Variants in CDH11 observed in about 807,000 individuals in gnomAD.
CDH11 encodes cadherin-11.
In CDH11, 11 loss-of-function variants were observed where a neutral mutation model predicts 67.8. The ratio of observed to expected loss-of-function variants is 0.16; its 90% CI spans 0.10 to 0.27. The LOEUF (loss-of-function observed/expected upper bound fraction) is 0.27, where lower values mean the gene tolerates loss of function less well. Among genes scored for constraint, CDH11 ranks in the 10% least tolerant of loss-of-function variants. The pLI, the probability that CDH11 is intolerant of heterozygous loss-of-function variation, is 1.00. For missense variants in CDH11, 847 were observed against 1,031.2 expected, an observed-to-expected ratio of 0.82 and a Z score of 2.45; for synonymous variants, 419 against 400.0, an observed-to-expected ratio of 1.05 and a Z score of -0.57.
chr16:65,014,527 G>T (rs991378693), intron 2 of CDH11, among the ~76,000 whole-genome samples: 1 of 152,242 alleles, frequency 6.6e-6, no homozygotes, highest in South Asian at 2.1e-4. Context: ...TACTGGCCAC[G>T]TGGGGCTAGT....
rs2074066255 is a variant in CDH11, at chr16:65,052,129, C to T, written c.-173+1675G>A. Among the ~76,000 whole-genome samples, 9 of 152,226 alleles carry T rather than the reference C, an allele frequency of 5.9e-5. No homozygotes were observed. In the South Asian group the frequency reaches 1.9e-3, roughly 32 times the overall value. ...TTCTCTGTTAGTCACCTTAGTCCAC[C>T]TTCCTCACATTTAATTAAAAATATA... On this transcript the variant is annotated intron_variant, in intron 2 of 12. Coordinates refer to ENST00000268603, the MANE Select transcript of CDH11 (RefSeq NM_001797.4).
intron 2 of CDH11, among the ~76,000 whole-genome samples, chr16:65,053,596 A>G (rs1198864314): frequency 1.3e-5 from 2 of 152,200 alleles, no homozygotes; most frequent in African/African-American, 4.8e-5. Flanking sequence ...ATAGGTGTTC[A>G]ATAAAGAGAA....
intron 1 of CDH11, among the ~76,000 whole-genome samples, chr16:65,072,820 T>C (rs2074441070): frequency 6.6e-6 from 1 of 152,218 alleles, no homozygotes; most frequent in African/African-American, 2.4e-5. Flanking sequence ...ACTAGCTGGA[T>C]AGCCTTAAAC....
At chr16:65,112,922 T>C (rs1261890306) in intron 1 of CDH11, among the ~76,000 whole-genome samples, 1 of 152,158 alleles carries the variant, frequency 6.6e-6, no homozygotes, top group Non-Finnish European at 1.5e-5. Context: ...CAGCTTTACA[T>C]AAACAAATGA....
intron 2 of CDH11, among the ~76,000 whole-genome samples, chr16:65,043,558 C>A (rs1463725409): frequency 6.6e-6 from 1 of 152,144 alleles, no homozygotes; most frequent in East Asian, 1.9e-4. Context: ...ATGTGAGCTG[C>A]CCTGGAAAAG....
chr16:65,112,333 C>G (rs370776680), intron 1 of CDH11, among the ~76,000 whole-genome samples: 2 of 152,252 alleles, frequency 1.3e-5, no homozygotes. Flanking sequence ...GTTTGTTGGT[C>G]TAGGTGGCCT....
chr16:65,088,322 A>C (rs1374531454), intron 1 of CDH11, among the ~76,000 whole-genome samples: 4 of 152,208 alleles, frequency 2.6e-5, no homozygotes. Flanking sequence ...ATAGCAGTCC[A>C]AAGGAAATAA....
chr16:65,002,007 C>T (rs1281717046), intron 3 of CDH11, among the ~76,000 whole-genome samples: 1 of 152,170 alleles, frequency 6.6e-6, no homozygotes, highest in Non-Finnish European at 1.5e-5. Context: ...CTTAAGCACT[C>T]AACCTTGAAT....
chr16:64,960,781 A>G (rs2071651378), intron 11 of CDH11, among the ~76,000 whole-genome samples: 1 of 152,146 alleles, frequency 6.6e-6, no homozygotes, highest in Admixed American at 6.5e-5. Flanking sequence ...TCACTAAGCT[A>G]TGGAGTTTCA....
intron 2 of CDH11, among the ~76,000 whole-genome samples, chr16:65,013,540 A>C (rs554573827): frequency 6.6e-6 from 1 of 151,864 alleles, no homozygotes; most frequent in Non-Finnish European, 1.5e-5. Context: ...AATGGGAAAA[A>C]CCCAGCCGGG....
chr16:64,985,232 G>A (rs1298117941), intron 7 of CDH11: 4 of 152,122 alleles, frequency 2.6e-5, no homozygotes, highest in African/African-American at 9.7e-5. Context: ...CTAAGACACA[G>A]TCAGAACTCA....
chr16:64,999,523 T>A (rs1332589713), intron 3 of CDH11, among the ~76,000 whole-genome samples: 2 of 152,132 alleles, frequency 1.3e-5, no homozygotes, highest in African/African-American at 2.4e-5. Context: ...TTTTAAAAAA[T>A]TTTTTGTTTT....
chr16:64,967,254 G>A (rs2071861489), intron 11 of CDH11, among the ~76,000 whole-genome samples: 1 of 152,108 alleles, frequency 6.6e-6, no homozygotes, highest in African/African-American at 2.4e-5. Flanking sequence ...ACTCCAGACT[G>A]TTGCCCAGGC....
chr16:65,078,786 T>G (rs2074559702), intron 1 of CDH11, among the ~76,000 whole-genome samples: 1 of 152,170 alleles, frequency 6.6e-6, no homozygotes, highest in Non-Finnish European at 1.5e-5. Flanking sequence ...GATCCTCATT[T>G]CACAGGGGAG....
chr16:65,044,605 G>T (rs543533812), intron 2 of CDH11, among the ~76,000 whole-genome samples: 1 of 152,216 alleles, frequency 6.6e-6, no homozygotes, highest in Admixed American at 6.5e-5. Context: ...TGCTGGAGGA[G>T]AAGATGCTTC....
intron 1 of CDH11, among the ~76,000 whole-genome samples, chr16:65,085,139 G>A (rs2074674254): frequency 1.3e-5 from 2 of 152,132 alleles, no homozygotes; most frequent in African/African-American, 2.4e-5. Flanking sequence ...TCGAACTCCT[G>A]ACCTCAGGTT....
In CDH11 at chr16:64,947,851, C is replaced by T. The variant is rs182947760; in HGVS notation, c.2143G>A (p.Val715Met). 19 of 1,614,036 alleles carry T rather than the reference C, an allele frequency of 1.2e-5. No individual in the cohort carries two copies. The highest frequency in any genetic ancestry group is 2.2e-5 in the South Asian group (2 of 91,090). ...RPGLRPAPNS[V>M]DVDDFINTRI... is the part of the protein sequence containing the mutation. ...GTGTTGATGAAGTCATCGACATCCA[C>T]GCTGTTGGGCGCTGGCCGGAGCCCA... is the stretch of plus-strand genomic sequence containing the variant. Residue 715 changes from valine to methionine, a missense_variant, in exon 13 of 13, where the codon GTG (valine) becomes ATG (methionine). Transcript: ENST00000268603.
intron 1 of CDH11, among the ~76,000 whole-genome samples, chr16:65,088,840 A>T (rs1477338119): frequency 6.6e-6 from 1 of 152,178 alleles, no homozygotes; most frequent in East Asian, 1.9e-4. Flanking sequence ...ACTTTGCCAA[A>T]TGCCTTCTAC....
intron 11 of CDH11, among the ~76,000 whole-genome samples, chr16:64,969,514 C>T (rs1009828999): frequency 2.0e-5 from 3 of 152,202 alleles, no homozygotes; most frequent in Middle Eastern, 3.4e-3. Flanking sequence ...TCTGGGCAAC[C>T]GAATCAATCT....
Sources: gnomAD v4.1 joint callset for allele counts (sites outside exome capture counted in the v4.1 genomes callset) on GRCh38, gnomAD v4.1.1 for gene constraint, MANE v1.5 for transcripts, NCBI Gene and HGNC (gene_info 2026-07-23, HGNC 2026-07-21) for gene names.